UBXN2B: variants seen among roughly 807,000 people sequenced by gnomAD.
The protein encoded by UBXN2B is UBX domain-containing protein 2B.
In UBXN2B, 19 loss-of-function variants were observed where a neutral mutation model predicts 37.5. That is an observed-to-expected ratio of 0.51 (90% CI 0.35 to 0.74). The LOEUF is 0.74. Among genes scored for constraint, UBXN2B ranks in the 30% least tolerant of loss-of-function variants. The pLI is 0.01. For missense variants in UBXN2B, 370 were observed against 393.2 expected (o/e 0.94, Z 0.50); for synonymous variants, 145 against 143.8 (o/e 1.01, Z -0.06).
chr8:58,438,161 G>A (rs76218226), intron 5 of UBXN2B, among the ~76,000 whole-genome samples: 2,957 of 152,326 alleles, frequency 0.019, 62 homozygotes, highest in East Asian at 0.11. Context: ...GTAAGCCTTG[G>A]TGGCTTTCGC....
chr8:58,444,180 A>G (rs1021951090), intron 6 of UBXN2B, among the ~76,000 whole-genome samples: 2 of 152,248 alleles, frequency 1.3e-5, no homozygotes, highest in African/African-American at 4.8e-5. Context: ...GTGTAGAAAG[A>G]GCCCAATATA....
Position 58,447,655 on chromosome 8 carries a change from T to G in UBXN2B, c.*104T>G. 8.5e-7 allele frequency: 1 copy of G among 1,177,140 alleles called. No individual in the cohort carries two copies. 72.9% of individuals were successfully genotyped at this position (1,177,140 alleles called of 1,614,324 possible). On this transcript the variant is annotated 3_prime_UTR_variant, in exon 8 of 8. Coordinates refer to ENST00000399598, the MANE Select transcript of UBXN2B (RefSeq NM_001077619.2). ...ACAGCCAAATTATTTTTATTATTTTTACAGATAAATTTTGGTTTTATTGTT... is the reference window on the plus strand; with the variant it reads ...ACAGCCAAATTATTTTTATTATTTTGACAGATAAATTTTGGTTTTATTGTT...
intron 6 of UBXN2B, among the ~76,000 whole-genome samples, chr8:58,445,432 C>T (rs942493295): frequency 2.6e-5 from 4 of 152,102 alleles, no homozygotes; most frequent in African/African-American, 9.7e-5. Context: ...AGCTGGCACC[C>T]GTTGAAACAC....
chr8:58,445,819 A>G, intron 6 of UBXN2B, 88 bp from the exon 7 acceptor site: 2 of 1,184,052 alleles, frequency 1.7e-6, no homozygotes, highest in Non-Finnish European at 2.3e-6. Context: ...GGAGACTCAA[A>G]TGAAGCCATG....
chr8:58,445,520 A>G (rs1275348870), intron 6 of UBXN2B, among the ~76,000 whole-genome samples: 1 of 152,182 alleles, frequency 6.6e-6, no homozygotes, highest in Admixed American at 6.5e-5. Context: ...CACTTTATAA[A>G]TGATAGAACT....
chr8:58,435,266 T>C (rs1392402604), intron 5 of UBXN2B, among the ~76,000 whole-genome samples: 2 of 152,198 alleles, frequency 1.3e-5, no homozygotes, highest in African/African-American at 4.8e-5. Flanking sequence ...AGGTGGAACA[T>C]TTCCAAATGT....
intron 2 of UBXN2B, among the ~76,000 whole-genome samples, chr8:58,428,530 G>A (rs1170978120): frequency 2.0e-5 from 3 of 151,988 alleles, no homozygotes; most frequent in Non-Finnish European, 4.4e-5. Context: ...TTTGTCCCTT[G>A]TCCTCTGTGC....
intron 2 of UBXN2B, among the ~76,000 whole-genome samples, chr8:58,421,109 G>C (rs1055911278): frequency 2.0e-5 from 3 of 152,128 alleles, no homozygotes; most frequent in Non-Finnish European, 2.9e-5. Flanking sequence ...AATAACTCAA[G>C]ATATTATTAG....
intron 2 of UBXN2B, chr8:58,425,873 G>A (rs1017895390): frequency 2.2e-5 from 26 of 1,157,954 alleles, no homozygotes; most frequent in Non-Finnish European, 2.9e-5. Flanking sequence ...GGCCACTTTA[G>A]ACTTGCCGTT....
intron 2 of UBXN2B, chr8:58,425,979 C>A: frequency 6.9e-7 from 1 of 1,450,840 alleles, no homozygotes; most frequent in South Asian, 1.1e-5. Context: ...CCATGTTTTC[C>A]TTTTTCAGTT....
intron 4 of UBXN2B, 70 bp downstream of exon 4, chr8:58,433,313 A>T: frequency 3.2e-6 from 4 of 1,264,956 alleles, no homozygotes; most frequent in Non-Finnish European, 3.4e-6. Flanking sequence ...TGGTTTTAAA[A>T]TTAAGAATTG....
chr8:58,437,987 A>G (rs1808457564), intron 5 of UBXN2B, among the ~76,000 whole-genome samples: 2 of 141,786 alleles, frequency 1.4e-5, no homozygotes, highest in Non-Finnish European at 3.1e-5. Context: ...CCAGAGTCCT[A>G]GGAGAAAAGT....
chr8:58,411,587 G>A (rs1459129310), intron 1 of UBXN2B, 118 bp downstream of exon 1: 4 of 876,308 alleles, frequency 4.6e-6, no homozygotes, highest in Non-Finnish European at 6.0e-6. Flanking sequence ...GACCCCGTCT[G>A]GGGATAGAAT....
At chr8:58,434,373 T>G in intron 4 of UBXN2B, 22 bp from the exon 5 acceptor site, 1 of 831,014 alleles carries the variant, frequency 1.2e-6, no homozygotes, top group Non-Finnish European at 1.6e-6. Flanking sequence ...ATATATATTT[T>G]TTTTTTTTCT....
At chr8:58,434,660 A>G (rs975717544) in intron 5 of UBXN2B, among the ~76,000 whole-genome samples, 156 bp downstream of exon 5, 1 of 152,162 alleles carries the variant, frequency 6.6e-6, no homozygotes, top group African/African-American at 2.4e-5. Context: ...TTAAGTTTAT[A>G]AAGGATATAC....
chr8:58,424,825 A>G (rs1311231635), intron 2 of UBXN2B: 13 of 1,436,110 alleles, frequency 9.1e-6, no homozygotes, highest in Middle Eastern at 1.8e-4. Flanking sequence ...CTGGACCGCC[A>G]TATAGATAAA....
intron 2 of UBXN2B, chr8:58,425,001 C>T: frequency 1.3e-6 from 1 of 786,022 alleles, no homozygotes; most frequent in Non-Finnish European, 2.3e-6. Context: ...CACTGCCGTG[C>T]ACCACGACTG....
chr8:58,443,899 G>A (rs1191016167), intron 6 of UBXN2B, among the ~76,000 whole-genome samples: 1 of 152,176 alleles, frequency 6.6e-6, no homozygotes, highest in Non-Finnish European at 1.5e-5. Flanking sequence ...CTATCTGTCT[G>A]TGTGGTTCTG....
chr8:58,419,445 G>A (rs1224642845), intron 2 of UBXN2B, among the ~76,000 whole-genome samples: 1 of 152,114 alleles, frequency 6.6e-6, no homozygotes, highest in Non-Finnish European at 1.5e-5. Flanking sequence ...GACATAAGAT[G>A]GTCTGTGTTT....
Sources: allele counts gnomAD v4.1 joint callset (sites outside exome capture counted in the v4.1 genomes callset), GRCh38; gene constraint gnomAD v4.1.1; transcripts MANE v1.5; gene names NCBI Gene and HGNC (gene_info 2026-07-23, HGNC 2026-07-21).